GRHL2: variants seen among roughly 807,000 people sequenced by gnomAD.
GRHL2 encodes the protein grainyhead-like protein 2 homolog.
GRHL2 carries 21 observed loss-of-function variants against 83.8 expected under a neutral mutation model. That is an observed-to-expected ratio of 0.25 (90% confidence interval 0.18 to 0.36). The LOEUF (loss-of-function observed/expected upper bound fraction) is 0.36, where lower values mean the gene tolerates loss of function less well. Ranked by LOEUF, GRHL2 falls within the 10% of genes least tolerant of loss-of-function variation. The pLI is 1.00. For missense variants in GRHL2, 623 were observed against 781.8 expected (o/e 0.80, Z 2.42); for synonymous variants, 280 against 278.9 (o/e 1.00, Z -0.04).
intron 11 of GRHL2, among the ~76,000 whole-genome samples, chr8:101,634,784 G>GC (rs1168030769): frequency 1.3e-5 from 2 of 152,056 alleles, no homozygotes; most frequent in Admixed American, 6.5e-5. Flanking sequence ...CAGGCCACCT[G>GC]CCCCCCACCC....
At chr8:101,624,186 CACAGTAGG>C (rs1813028906) in intron 9 of GRHL2, among the ~76,000 whole-genome samples, 1 of 140,642 alleles carries the variant, frequency 7.1e-6, no homozygotes, top group African/African-American at 2.9e-5. Context: ...GTACACAGTA[CACAGTAGG>C]ACAGTACACA....
chr8:101,661,279 C>T (rs1813915550), intron 14 of GRHL2, among the ~76,000 whole-genome samples: 1 of 152,196 alleles, frequency 6.6e-6, no homozygotes, highest in Non-Finnish European at 1.5e-5. Context: ...TACAGCATGC[C>T]ACTGGTGGCT....
intron 15 of GRHL2, 128 bp from the exon 16 acceptor site, chr8:101,666,461 T>C (rs1814059815): frequency 2.8e-6 from 2 of 703,068 alleles, no homozygotes; most frequent in African/African-American, 1.8e-5. Flanking sequence ...GTGTCCTCTC[T>C]CCTCCACTCC....
intron 9 of GRHL2, among the ~76,000 whole-genome samples, chr8:101,628,275 T>C (rs1813118840): frequency 6.6e-6 from 1 of 151,968 alleles, no homozygotes; most frequent in African/African-American, 2.4e-5. Flanking sequence ...TCATGTACCA[T>C]ACCAAAAATC....
intron 8 of GRHL2, among the ~76,000 whole-genome samples, chr8:101,616,418 G>A (rs541473369): frequency 4.6e-5 from 7 of 152,180 alleles, no homozygotes; most frequent in East Asian, 1.9e-4. Context: ...TGATCCACCC[G>A]CCTAAGCCTC....
In GRHL2 at chr8:101,557,730, A is replaced by G. The variant is rs1811516937; in HGVS notation, c.285-689A>G. Among the ~76,000 whole-genome samples, 3 of 152,190 alleles carry G rather than the reference A, an allele frequency of 2.0e-5. No individual in the cohort carries two copies. In the South Asian group the frequency reaches 6.2e-4, roughly 32 times the overall value. ...TTTTTCATGCCTTTGACTTGTTGAC[A>G]AATTTAGGTCAGTAGGATGTGCTGC... On this transcript the variant is annotated intron_variant, in intron 3 of 15. Coordinates refer to ENST00000646743, the MANE Select transcript of GRHL2 (RefSeq NM_024915.4).
chr8:101,619,710 G>A lies in GRHL2; in HGVS notation c.1257+13G>A. On this transcript the variant is annotated intron_variant, in intron 9 of 15. Transcript: ENST00000646743. ...CTTCTGTGACAAAGTGAGTAAAGAT[G>A]ACAGTTTTTTATAAAGGTATCTTTT... The A allele has an allele frequency of 6.2e-7, 1 of 1,600,894 alleles. No homozygotes were observed. Among genetic ancestry groups the A allele is most frequent in the East Asian group, 2.2e-5 (1 of 44,706 alleles).
chr8:101,674,613 G>T (rs948057291), downstream of GRHL2, among the ~76,000 whole-genome samples: 2 of 152,072 alleles, frequency 1.3e-5, no homozygotes, highest in South Asian at 2.1e-4. Flanking sequence ...ATTCATAGCC[G>T]AATTCTACCA....
intron 9 of GRHL2, among the ~76,000 whole-genome samples, chr8:101,627,889 C>T (rs548280508): frequency 6.6e-6 from 1 of 152,240 alleles, no homozygotes; most frequent in South Asian, 2.1e-4. Context: ...GAGCAAGGCC[C>T]TAACTCTTTT....
At chr8:101,625,087 C>T (rs1813055223) in intron 9 of GRHL2, among the ~76,000 whole-genome samples, 2 of 151,950 alleles carry the variant, frequency 1.3e-5, no homozygotes, top group Non-Finnish European at 2.9e-5. Flanking sequence ...TTTTAAAGCA[C>T]AAATAAGGAA....
At chr8:101,573,906 G>GA (rs899121745) in intron 6 of GRHL2, 82 bp downstream of exon 6, 37 of 1,477,816 alleles carry the variant, frequency 2.5e-5, no homozygotes, top group Non-Finnish European at 2.9e-5. Context: ...GAATGGCATG[G>GA]AAAAAAAATA....
In GRHL2 at chr8:101,598,961, G is replaced by A. The variant is rs185375766; in HGVS notation, c.1004-96G>A. 1,150 of 836,922 alleles carry A rather than the reference G, an allele frequency of 1.4e-3. 11 individuals are homozygous for A. In the African/African-American group the frequency reaches 0.016, roughly 11 times the overall value. 51.8% of individuals were successfully genotyped at this position (836,922 alleles called of 1,614,324 possible). A position where few individuals can be genotyped will look rare whatever the true frequency, so the allele number is the denominator to read the frequency against. On this transcript the variant is annotated intron_variant, in intron 7 of 15. Transcript: ENST00000646743. ...CATGGAGATAGCCTGAAAAATAAAC[G>A]AAGTTTAAATTTACCCATTGGAAAA...
intron 1 of GRHL2, among the ~76,000 whole-genome samples, chr8:101,515,213 A>ACAC (rs1481801564): frequency 1.2e-5 from 1 of 83,348 alleles, no homozygotes. Context: ...CACACACATT[A>ACAC]ATATTATATA....
At chr8:101,556,186 A>G (rs1286328598) in intron 3 of GRHL2, among the ~76,000 whole-genome samples, 1 of 152,058 alleles carries the variant, frequency 6.6e-6, no homozygotes, top group Non-Finnish European at 1.5e-5. Context: ...CGAACTCCCG[A>G]CCTCAGGTGA....
At chr8:101,603,356 C>A (rs997987835) in intron 8 of GRHL2, among the ~76,000 whole-genome samples, 1 of 151,872 alleles carries the variant, frequency 6.6e-6, no homozygotes, top group Admixed American at 6.5e-5. Context: ...AAACAAAAAA[C>A]CAATCCGGTA....
chr8:101,631,543 ATT>A, intron 9 of GRHL2, 92 bp from the exon 10 acceptor site: 2 of 1,005,392 alleles, frequency 2.0e-6, no homozygotes, highest in Non-Finnish European at 1.5e-6. Context: ...CCTCCCCTGT[ATT>A]GTTTCATATC....
chr8:101,528,043 T>G (rs1309090943), intron 1 of GRHL2, among the ~76,000 whole-genome samples: 1 of 152,226 alleles, frequency 6.6e-6, no homozygotes, highest in Non-Finnish European at 1.5e-5. Context: ...AACACTTCGG[T>G]GCCTTGCCAA....
At chr8:101,603,293 G>A (rs1251519900) in intron 8 of GRHL2, among the ~76,000 whole-genome samples, 1 of 152,110 alleles carries the variant, frequency 6.6e-6, no homozygotes, top group African/African-American at 2.4e-5. Flanking sequence ...TTATGTTAAA[G>A]GATAGCTTTT....
intron 12 of GRHL2, among the ~76,000 whole-genome samples, chr8:101,642,385 G>A (rs944396433): frequency 3.9e-5 from 6 of 152,180 alleles, no homozygotes; most frequent in African/African-American, 1.2e-4. Context: ...ATCTTGCTTG[G>A]TGAAAAAGAA....
Sources: gnomAD v4.1 joint callset for allele counts (sites outside exome capture counted in the v4.1 genomes callset) on GRCh38, gnomAD v4.1.1 for gene constraint, MANE v1.5 for transcripts, NCBI Gene and HGNC (gene_info 2026-07-23, HGNC 2026-07-21) for gene names.